The following GNG7 variants were observed in gnomAD, a reference collection of about 807,000 sequenced individuals.
GNG7 encodes guanine nucleotide-binding protein G(I)/G(S)/G(O) subunit gamma-7.
Under a neutral mutation model 4.0 loss-of-function variants are expected in GNG7, and 1 was observed. The observed-to-expected ratio is 0.25, with a 90% CI of 0.09 to 1.18. The LOEUF (loss-of-function observed/expected upper bound fraction) is 1.18. Ranked by LOEUF, GNG7 falls within the 50% of genes most tolerant of loss-of-function variation. The probability of loss-of-function intolerance (pLI) is 0.50; values close to 1 mark genes in which losing one functional copy is unlikely to be tolerated. For synonymous variants in GNG7, 34 were observed against 36.9 expected (o/e 0.92, Z 0.29); for missense variants, 86 against 91.9 (o/e 0.94, Z 0.26).
At chr19:2,697,365 G>C (rs905853346) in intron 1 of GNG7, among the ~76,000 whole-genome samples, 1 of 152,182 alleles carries the variant, frequency 6.6e-6, no homozygotes, top group African/African-American at 2.4e-5. Flanking sequence ...CAACCACACA[G>C]AGAGAGCGTG....
intron 2 of GNG7, among the ~76,000 whole-genome samples, chr19:2,628,057 T>C (rs1455613131): frequency 2.6e-5 from 4 of 152,206 alleles, no homozygotes. Context: ...CAGCTACTGT[T>C]TTCTCCTATG....
chr19:2,511,732 C>T lies in GNG7; in HGVS notation c.*3290G>A, dbSNP rs1972658576. On this transcript the variant is annotated 3_prime_UTR_variant, in exon 5 of 5. Coordinates refer to ENST00000382159, the MANE Select transcript of GNG7 (RefSeq NM_052847.3). The surrounding 1 kb of genome is among the most constrained non-coding windows in gnomAD (Gnocchi z 6.3). Reference sequence around the variant, plus strand: ...CACGGTGGCCGGCCCGTCAAAGGGACCACGCAGAAGGAGGGAAACAGGAGC... The same window carrying T: ...CACGGTGGCCGGCCCGTCAAAGGGATCACGCAGAAGGAGGGAAACAGGAGC... The T allele has an allele frequency of 1.1e-6, 1 of 901,506 alleles. No homozygotes were observed. The highest frequency in any genetic ancestry group is 1.3e-6 in the Non-Finnish European group (1 of 753,182). The allele number at this position is 901,506 out of a possible 1,614,324, so 55.8% of individuals were successfully genotyped here.
At chr19:2,621,386 C>A (rs1305115665) in intron 2 of GNG7, among the ~76,000 whole-genome samples, 2 of 150,660 alleles carry the variant, frequency 1.3e-5, no homozygotes, top group Non-Finnish European at 3.0e-5. Context: ...CAGCAAGACT[C>A]CAGACACAAA....
chr19:2,693,415 C>CA (rs146155053), intron 1 of GNG7, among the ~76,000 whole-genome samples: 23,810 of 79,808 alleles, frequency 0.3, 2,882 homozygotes, highest in East Asian at 0.61. Context: ...GACTCTGCCT[C>CA]AAAAAAAAAA....
At chr19:2,569,308 C>T (rs1047082276) in intron 2 of GNG7, among the ~76,000 whole-genome samples, 2 of 152,104 alleles carry the variant, frequency 1.3e-5, no homozygotes, top group African/African-American at 4.8e-5. Context: ...CAGAGTCTCG[C>T]TCTGTCGCCC....
In GNG7 at chr19:2,688,686, G is replaced by A. The variant is rs533396083; in HGVS notation, c.-135+13960C>T. Among the ~76,000 whole-genome samples, 33 of 152,214 alleles carry A rather than the reference G, an allele frequency of 2.2e-4. 1 individual carries two copies. The South Asian group carries it at 2.9e-3, about 13-fold the overall frequency. ...CGGAGACGAGCCGGCTAAATGTCACGTGGGATTCTAGATGGGTCCTGGGGC... is the reference window on the plus strand; with the variant it reads ...CGGAGACGAGCCGGCTAAATGTCACATGGGATTCTAGATGGGTCCTGGGGC... On this transcript the variant is annotated intron_variant, in intron 1 of 4. Coordinates refer to ENST00000382159, the MANE Select transcript of GNG7 (RefSeq NM_052847.3).
At chr19:2,645,882 G>A (rs937284288) in intron 2 of GNG7, among the ~76,000 whole-genome samples, 7 of 152,208 alleles carry the variant, frequency 4.6e-5, no homozygotes, top group African/African-American at 1.4e-4. Context: ...CAGGAGATAC[G>A]GGTGAAGGCT....
intron 2 of GNG7, among the ~76,000 whole-genome samples, chr19:2,560,063 C>A (rs928308874): frequency 4.6e-5 from 7 of 152,046 alleles, no homozygotes; most frequent in African/African-American, 9.7e-5. Flanking sequence ...GGAGGGGAAA[C>A]GGGGAGGCGG....
At chr19:2,678,375 T>C (rs1983646955) in intron 1 of GNG7, among the ~76,000 whole-genome samples, 2 of 152,220 alleles carry the variant, frequency 1.3e-5, no homozygotes, top group Admixed American at 6.5e-5. Context: ...GTAGGTATTG[T>C]GGCATAGCAA....
intron 3 of GNG7, among the ~76,000 whole-genome samples, chr19:2,530,033 A>G (rs1167850099): frequency 6.6e-6 from 1 of 152,220 alleles, no homozygotes; most frequent in Non-Finnish European, 1.5e-5. Flanking sequence ...ACTTTGGGTT[A>G]AAAATCTCTC....
intron 3 of GNG7, among the ~76,000 whole-genome samples, chr19:2,547,051 C>T (rs78529355): frequency 3.2e-4 from 48 of 151,628 alleles, no homozygotes; most frequent in African/African-American, 1.1e-3. Context: ...CACCTCAGCA[C>T]AGGTGGGTCT....
At chr19:2,580,510 C>G (rs1363591113) in intron 2 of GNG7, among the ~76,000 whole-genome samples, 1 of 151,452 alleles carries the variant, frequency 6.6e-6, no homozygotes, top group Non-Finnish European at 1.5e-5. Context: ...AGGCTGGTCT[C>G]GAACTCCTGA....
chr19:2,637,135 C>G (rs1218542565), intron 2 of GNG7, among the ~76,000 whole-genome samples: 1 of 152,016 alleles, frequency 6.6e-6, no homozygotes. Flanking sequence ...CTCCGTGGGC[C>G]TCCTCTGCCC....
intron 3 of GNG7, among the ~76,000 whole-genome samples, chr19:2,541,078 C>T (rs566473069): frequency 6.2e-4 from 94 of 152,354 alleles, no homozygotes; most frequent in Middle Eastern, 3.4e-3. Flanking sequence ...CTTTACCGAG[C>T]GGCTCCTGGG....
intron 3 of GNG7, among the ~76,000 whole-genome samples, chr19:2,531,880 G>A (rs139123124): frequency 1.8e-4 from 27 of 151,950 alleles, no homozygotes; most frequent in East Asian, 7.7e-4. Context: ...TGCCAGGTGC[G>A]GTGGCTCACG....
At chr19:2,581,307 CGGGGGTGGAGGGGTGAT>C (rs1477225842) in intron 2 of GNG7, among the ~76,000 whole-genome samples, 1 of 6,598 alleles carries the variant, frequency 1.5e-4, no homozygotes, top group Non-Finnish European at 3.0e-4. Flanking sequence ...GGGGGGGCCG[CGGGGGTGGAGGGGTGAT>C]GGGGGTGGGG....
chr19:2,560,268 C>T lies in GNG7; in HGVS notation c.-77-5080G>A, dbSNP rs114270998. Among the ~76,000 whole-genome samples the T allele has an allele frequency of 2.7e-3, 408 of 152,248 alleles. 1 individual carries two copies. Among genetic ancestry groups the T allele is most frequent in the African/African-American group, 9.1e-3 (378 of 41,542 alleles). ...CAGTACAAACCCAGCCTGTCCCTCG[C>T]GCCCCTAGTGTGCTGAGGGCCTGGC... On this transcript the variant is annotated intron_variant, in intron 2 of 4. Transcript: ENST00000382159.
At position 2,609,862 on chromosome 19, in the gene GNG7, A is replaced by G. The variant is rs187404961; in HGVS notation, c.-78+36362T>C. Among the ~76,000 whole-genome samples, 4 of 152,220 alleles carry G rather than the reference A, an allele frequency of 2.6e-5. No homozygotes were observed. The highest frequency in any genetic ancestry group is 2.1e-4 in the South Asian group (1 of 4,814). ...GGACCCTCGGTGAGCCAGTGAACTC[A>G]GTGCACTTCTGGAGCTCCCTGACCA... is the stretch of plus-strand genomic sequence containing the variant. On this transcript the variant is annotated intron_variant, in intron 2 of 4. Coordinates refer to ENST00000382159, the MANE Select transcript of GNG7 (RefSeq NM_052847.3). The surrounding 1 kb of genome is among the most constrained non-coding windows in gnomAD (Gnocchi z 4.4).
chr19:2,530,915 A>C (rs1412299294), intron 3 of GNG7, among the ~76,000 whole-genome samples: 1 of 152,198 alleles, frequency 6.6e-6, no homozygotes, highest in Non-Finnish European at 1.5e-5. Flanking sequence ...CACGAGGCCA[A>C]GGGTACAGAA....
Sources: gnomAD v4.1 joint callset for allele counts (sites outside exome capture counted in the v4.1 genomes callset) on GRCh38, gnomAD v4.1.1 for gene constraint, Gnocchi (gnomAD v3.1) non-coding constraint, MANE v1.5 for transcripts, NCBI Gene and HGNC (gene_info 2026-07-23, HGNC 2026-07-21) for gene names.